The following KIF13A variants were observed in gnomAD, a reference collection of about 807,000 sequenced individuals.
KIF13A encodes kinesin-like protein KIF13A.
KIF13A carries 79 observed loss-of-function variants against 212.2 expected under a neutral mutation model. That is an observed-to-expected ratio of 0.37 (90% CI 0.31 to 0.45). KIF13A has a LOEUF of 0.45. KIF13A is among the 20% of genes least tolerant of loss of function. KIF13A has a pLI of 1.00. For missense variants in KIF13A, 1,901 were observed against 2,209.0 expected (o/e 0.86, Z 2.79); for synonymous variants, 789 against 808.6 (o/e 0.98, Z 0.41).
chr6:17,797,799 G>A (rs989296702), intron 22 of KIF13A, among the ~76,000 whole-genome samples: 2 of 152,192 alleles, frequency 1.3e-5, no homozygotes, highest in Non-Finnish European at 2.9e-5. Flanking sequence ...TCAGGAGGCT[G>A]AGGCAGGAGG....
At chr6:17,980,666 A>G (rs1780985412) in intron 2 of KIF13A, among the ~76,000 whole-genome samples, 1 of 152,240 alleles carries the variant, frequency 6.6e-6, no homozygotes, top group Non-Finnish European at 1.5e-5. Context: ...AAAAAGCAAA[A>G]TAAAGAAAAA....
chr6:17,964,876 G>A (rs764682831), intron 2 of KIF13A, among the ~76,000 whole-genome samples: 10 of 152,158 alleles, frequency 6.6e-5, no homozygotes, highest in Non-Finnish European at 1.2e-4. Flanking sequence ...AGGCTGGAGT[G>A]TAGTGGTGTG....
chr6:17,780,703 A>C lies in KIF13A; in HGVS notation c.3846+27T>G, dbSNP rs1001036759. On this transcript the variant is annotated intron_variant, in intron 31 of 38. Coordinates refer to ENST00000259711, the MANE Select transcript of KIF13A (RefSeq NM_022113.6). ...AAAAATCTTTTGAGCTCAGAGCCAG[A>C]ATGGCACAATCAGGCCCCGTTATTA... The C allele has an allele frequency of 3.1e-6, 5 of 1,605,378 alleles. No homozygotes were observed. The African/African-American group carries it at 6.7e-5, about 21-fold the overall frequency.
rs1438971940 is a variant in KIF13A at position 17,850,046 on chromosome 6, T to C, written c.717+277A>G. Among the ~76,000 whole-genome samples, 1 of 152,208 alleles carries C rather than the reference T, an allele frequency of 6.6e-6. No individual in the cohort carries two copies. Among genetic ancestry groups the C allele is most frequent in the Non-Finnish European group, 1.5e-5 (1 of 68,036 alleles). ...GTTGCTATATTGTACAAGATGGTCATGAACTTCTGCCCTCAAGCAATCCTC... is the reference window on the plus strand; with the variant it reads ...GTTGCTATATTGTACAAGATGGTCACGAACTTCTGCCCTCAAGCAATCCTC... On this transcript the variant is annotated intron_variant, in intron 8 of 38. Coordinates refer to ENST00000259711, the MANE Select transcript of KIF13A (RefSeq NM_022113.6). The surrounding 1 kb of genome is among the most constrained non-coding windows in gnomAD (Gnocchi z 6.2).
intron 4 of KIF13A, among the ~76,000 whole-genome samples, chr6:17,863,367 ACTTT>A (rs1040514525): frequency 4.0e-5 from 6 of 149,400 alleles, no homozygotes; most frequent in African/African-American, 1.5e-4. Context: ...TAAGAAAAAT[ACTTT>A]CTTTTTTTTT....
At chr6:17,761,589 G>A (rs1758588798), downstream of KIF13A, among the ~76,000 whole-genome samples, 1 of 152,018 alleles carries the variant, frequency 6.6e-6, no homozygotes, top group Non-Finnish European at 1.5e-5. Context: ...CTCCATGTTG[G>A]TCAGGCTGGT....
chr6:17,954,567 A>T (rs904903809), intron 2 of KIF13A, among the ~76,000 whole-genome samples: 4 of 152,188 alleles, frequency 2.6e-5, no homozygotes, highest in Admixed American at 6.5e-5. Context: ...CATATTAATA[A>T]CCTGATTTTA....
At position 17,818,998 on chromosome 6, in the gene KIF13A, CTTT is replaced by C. The variant is rs11438528; in HGVS notation, c.1787-1768_1787-1766del. ...TGACATGAGTTCCTAAAATATATCA[CTTT>C]TTTTTTTTTTTTTTTTGAGACGGAG... On this transcript the variant is annotated intron_variant, in intron 16 of 38. Transcript: ENST00000259711. Among the ~76,000 whole-genome samples the C allele has an allele frequency of 6.3e-3, 775 of 123,380 alleles. 2 individuals carry two copies. The highest frequency in any genetic ancestry group is 0.017 in the African/African-American group (549 of 31,550). 80.9% of individuals were successfully genotyped at this position (123,380 alleles called of 152,430 possible). A position where few individuals can be genotyped will look rare whatever the true frequency, so the allele number is the denominator to read the frequency against.
intron 16 of KIF13A, chr6:17,821,743 A>C: frequency 6.5e-7 from 1 of 1,531,756 alleles, no homozygotes; most frequent in Non-Finnish European, 8.7e-7. Flanking sequence ...CACTGCTAAA[A>C]ACCAGCCAAG....
chr6:17,910,347 T>G (rs1471627839), intron 2 of KIF13A, among the ~76,000 whole-genome samples: 1 of 152,158 alleles, frequency 6.6e-6, no homozygotes, highest in African/African-American at 2.4e-5. Flanking sequence ...CAATAAAAGG[T>G]GAAGCAAACA....
Position 17,897,362 on chromosome 6 carries a change from C to A in KIF13A, c.159+806G>T, listed in dbSNP as rs373805084. Among the ~76,000 whole-genome samples the A allele has an allele frequency of 6.6e-6, 1 of 152,208 alleles. No homozygotes were observed. Among genetic ancestry groups the A allele is most frequent in the Non-Finnish European group, 1.5e-5 (1 of 68,040 alleles). On this transcript the variant is annotated intron_variant, in intron 3 of 38. Coordinates refer to ENST00000259711, the MANE Select transcript of KIF13A (RefSeq NM_022113.6). The surrounding 1 kb of genome is among the most constrained non-coding windows in gnomAD (Gnocchi z 4.8). ...AGAACCACAGCTATAATCAGTATCA[C>A]TGGCCAGGGGCTGGTCAAATTTCTC... is the stretch of plus-strand genomic sequence containing the variant.
chr6:17,863,826 C>T (rs1006545235), intron 4 of KIF13A, among the ~76,000 whole-genome samples: 2 of 151,950 alleles, frequency 1.3e-5, no homozygotes, highest in Admixed American at 6.6e-5. Flanking sequence ...GCTTTGTTCA[C>T]TTCTATTTTT....
At chr6:17,882,162 T>G (rs1448316335) in intron 3 of KIF13A, 1 of 436,106 alleles carries the variant, frequency 2.3e-6, no homozygotes. Flanking sequence ...CCTTTCGAGT[T>G]GTGTGCTTTC....
rs2150397492 is a variant in KIF13A, at chr6:17,849,315, T to C, written c.830+62A>G. On this transcript the variant is annotated intron_variant, in intron 9 of 38. Transcript: ENST00000259711. This position sits in a 1 kb window ranked among gnomAD's most constrained non-coding sequence, Gnocchi z 5.7. ...GTACATCAGAACCATCTGACCCTCA[T>C]AATGCAACAAATCCCCTCCAGAAGG... 1 of 1,187,472 alleles carries C rather than the reference T, an allele frequency of 8.4e-7. No individual in the cohort carries two copies. Among genetic ancestry groups the C allele is most frequent in the Non-Finnish European group, 1.2e-6 (1 of 814,482 alleles). The allele number at this position is 1,187,472 out of a possible 1,614,324, so 73.6% of individuals were successfully genotyped here.
At position 17,804,347 on chromosome 6, in the gene KIF13A, T is replaced by A; in HGVS notation, c.2454+14A>T. 5 of 1,509,322 alleles carry A rather than the reference T, an allele frequency of 3.3e-6. No homozygotes were observed. Among genetic ancestry groups the A allele is most frequent in the Non-Finnish European group, 4.5e-6 (5 of 1,122,962 alleles). 93.5% of individuals were successfully genotyped at this position (1,509,322 alleles called of 1,614,324 possible). The stretch of plus-strand genomic sequence containing the variant: ...TTGAACCACCATCGTTCTCCAAGGC[T>A]GGCCTGTGCTTACCTCCCCCTGCTG... On this transcript the variant is annotated intron_variant, in intron 20 of 38. Transcript: ENST00000259711.
chr6:17,972,561 A>T (rs2150611695), intron 2 of KIF13A, among the ~76,000 whole-genome samples: 1 of 152,304 alleles, frequency 6.6e-6, no homozygotes, highest in East Asian at 1.9e-4. Context: ...CTGTTCAACA[A>T]ACTACATGTG....
chr6:17,877,585 G>T (rs1464452191), intron 3 of KIF13A, among the ~76,000 whole-genome samples: 1 of 151,788 alleles, frequency 6.6e-6, no homozygotes, highest in Non-Finnish European at 1.5e-5. Flanking sequence ...TTATTTCCAG[G>T]ACATTTCCCT....
At chr6:17,821,243 G>C (rs1218225554) in intron 16 of KIF13A, among the ~76,000 whole-genome samples, 2 of 152,040 alleles carry the variant, frequency 1.3e-5, no homozygotes, top group African/African-American at 4.8e-5. Context: ...TCAAACCCCT[G>C]GGAAGAAGGC....
In KIF13A at chr6:17,971,675, T is replaced by C. The variant is rs1779818460; in HGVS notation, c.146+15379A>G. On this transcript the variant is annotated intron_variant, in intron 2 of 38. Transcript: ENST00000259711. This position sits in a 1 kb window ranked among gnomAD's most constrained non-coding sequence, Gnocchi z 4.2. The stretch of plus-strand genomic sequence containing the variant: ...CCTGGGCCCAAGCGATCCTCCCACC[T>C]CTGCCTCCCAAAGAATTGGGATTAC... Among the ~76,000 whole-genome samples, 1 of 152,182 alleles carries C rather than the reference T, an allele frequency of 6.6e-6. No homozygotes were observed. The highest frequency in any genetic ancestry group is 2.4e-5 in the African/African-American group (1 of 41,452).
Sources: allele counts gnomAD v4.1 joint callset (sites outside exome capture counted in the v4.1 genomes callset), GRCh38; gene constraint gnomAD v4.1.1; non-coding constraint Gnocchi (gnomAD v3.1); transcripts MANE v1.5; gene names NCBI Gene and HGNC (gene_info 2026-07-23, HGNC 2026-07-21).